The following ROBO1 variants were observed in gnomAD, a reference collection of about 807,000 sequenced individuals.
ROBO1 encodes roundabout guidance receptor 1.
ROBO1 carries 149 observed loss-of-function variants against 195.9 expected under a neutral mutation model. The observed-to-expected ratio is 0.76, with a 90% confidence interval of 0.67 to 0.87. ROBO1 has a LOEUF of 0.87. ROBO1 is among the 40% of genes least tolerant of loss of function. The probability of loss-of-function intolerance (pLI) is 0.00; values close to 1 mark genes in which losing one functional copy is unlikely to be tolerated. For missense variants in ROBO1, 1,933 were observed against 2,068.3 expected, an observed-to-expected ratio of 0.93 and a Z score of 1.27; for synonymous variants, 816 against 733.2, an observed-to-expected ratio of 1.11 and a Z score of -1.82.
chr3:79,626,560 GCTGGAAGCATTCC>G (rs1383804404), intron 1 of ROBO1, among the ~76,000 whole-genome samples: 1 of 152,176 alleles, frequency 6.6e-6, no homozygotes, highest in African/African-American at 2.4e-5. Context: ...ATGGGCAAAA[GCTGGAAGCATTCC>G]CTTTGAAAAT....
intron 3 of ROBO1, among the ~76,000 whole-genome samples, chr3:79,083,194 TCAAA>T (rs1285527420): frequency 3.9e-5 from 6 of 151,952 alleles, no homozygotes; most frequent in African/African-American, 1.2e-4. Flanking sequence ...AGACTCTGTC[TCAAA>T]CAAACAAACA....
chr3:79,160,856 C>T (rs1185129400), intron 2 of ROBO1, among the ~76,000 whole-genome samples: 1 of 151,918 alleles, frequency 6.6e-6, no homozygotes, highest in South Asian at 2.1e-4. Context: ...GGGGCTAAGC[C>T]TCACCCCCCC....
At chr3:79,419,156 T>TG (rs2038120978) in intron 2 of ROBO1, among the ~76,000 whole-genome samples, 1 of 152,156 alleles carries the variant, frequency 6.6e-6, no homozygotes, top group South Asian at 2.1e-4. Context: ...CTAAGAGCAA[T>TG]GGGAAAATGG....
chr3:79,595,163 AG>A (rs1379818637), intron 1 of ROBO1, among the ~76,000 whole-genome samples: 1 of 151,970 alleles, frequency 6.6e-6, no homozygotes, highest in Non-Finnish European at 1.5e-5. Flanking sequence ...TTTATTTTCA[AG>A]TAATATATTT....
At chr3:79,255,913 A>G (rs529155268) in intron 2 of ROBO1, among the ~76,000 whole-genome samples, 2 of 152,218 alleles carry the variant, frequency 1.3e-5, no homozygotes, top group Admixed American at 1.3e-4. Context: ...CTCAGCAAAG[A>G]GCTGTTCATG....
At chr3:79,491,740 G>A (rs565692512) in intron 2 of ROBO1, among the ~76,000 whole-genome samples, 2 of 151,330 alleles carry the variant, frequency 1.3e-5, no homozygotes, top group South Asian at 4.2e-4. Context: ...AAGACGGGAA[G>A]AATTCAATGG....
In ROBO1 at chr3:79,587,448, T is replaced by C. The variant is rs893754149; in HGVS notation, c.88+2376A>G. On this transcript the variant is annotated intron_variant, in intron 2 of 30. Transcript: ENST00000464233. ...GACACCTTGGCTGATGATAACTCAC[T>C]GAGTCAAGTACTACAGAATATAAAA... 6.6e-5 allele frequency among the ~76,000 whole-genome samples: 10 copies of C among 151,820 alleles called. 1 individual carries two copies. Among genetic ancestry groups the C allele is most frequent in the African/African-American group, 2.4e-4 (10 of 41,422 alleles).
chr3:78,808,523 T>C (rs2084623242), intron 4 of ROBO1, among the ~76,000 whole-genome samples: 1 of 152,152 alleles, frequency 6.6e-6, no homozygotes. Context: ...ATTTTAAATG[T>C]TATATCAAGT....
intron 4 of ROBO1, among the ~76,000 whole-genome samples, chr3:78,748,902 T>C (rs2108294598): frequency 6.6e-6 from 1 of 152,280 alleles, no homozygotes; most frequent in Admixed American, 6.5e-5. Context: ...CTGTTTAAAT[T>C]CTAACTTCAA....
chr3:78,943,688 T>A (rs1016138743), intron 3 of ROBO1, among the ~76,000 whole-genome samples: 3 of 152,190 alleles, frequency 2.0e-5, no homozygotes, highest in African/African-American at 7.2e-5. Flanking sequence ...TTTATTTTTA[T>A]TTTTTGCAGA....
At chr3:79,151,902 T>C (rs1453851057) in intron 2 of ROBO1, among the ~76,000 whole-genome samples, 2 of 151,880 alleles carry the variant, frequency 1.3e-5, no homozygotes, top group Admixed American at 6.6e-5. Context: ...AGTTCCTCCC[T>C]AACATTGATA....
At chr3:79,189,630 T>C (rs767731801) in intron 2 of ROBO1, among the ~76,000 whole-genome samples, 4 of 151,774 alleles carry the variant, frequency 2.6e-5, no homozygotes, top group South Asian at 2.1e-4. Context: ...GTACTTTTGG[T>C]GTAAAAATAT....
intron 1 of ROBO1, among the ~76,000 whole-genome samples, chr3:79,616,130 A>G (rs1944812371): frequency 6.6e-6 from 1 of 152,132 alleles, no homozygotes. Context: ...TGATTTGGGA[A>G]CTTCTGAAGA....
chr3:79,599,890 C>T (rs935602023), intron 1 of ROBO1, among the ~76,000 whole-genome samples: 1 of 151,560 alleles, frequency 6.6e-6, no homozygotes, highest in African/African-American at 2.4e-5. Flanking sequence ...ATAGTCTATC[C>T]AAATTTTTTT....
chr3:79,463,815 G>A (rs1937792184), intron 2 of ROBO1, among the ~76,000 whole-genome samples: 1 of 152,074 alleles, frequency 6.6e-6, no homozygotes. Context: ...TTCATCTAAA[G>A]TATACAACCC....
chr3:79,089,913 T>A (rs548778542), intron 3 of ROBO1, among the ~76,000 whole-genome samples: 1 of 151,276 alleles, frequency 6.6e-6, no homozygotes, highest in African/African-American at 2.4e-5. Flanking sequence ...AAATAAACAT[T>A]GATATATATC....
intron 2 of ROBO1, among the ~76,000 whole-genome samples, chr3:79,219,912 T>A (rs1021446750): frequency 6.6e-6 from 1 of 152,062 alleles, no homozygotes; most frequent in Non-Finnish European, 1.5e-5. Flanking sequence ...CACTTACTTA[T>A]GAGGTACAAA....
chr3:79,285,320 T>C (rs1283415318), intron 2 of ROBO1, among the ~76,000 whole-genome samples: 3 of 152,224 alleles, frequency 2.0e-5, no homozygotes, highest in Non-Finnish European at 4.4e-5. Flanking sequence ...ACCTCTGCAA[T>C]GTTTTCCTTA....
intron 2 of ROBO1, among the ~76,000 whole-genome samples, chr3:79,146,601 C>A (rs2080658264): frequency 1.3e-5 from 2 of 151,774 alleles, no homozygotes; most frequent in Admixed American, 1.3e-4. Flanking sequence ...GTGAAGTATG[C>A]AGATATCTGT....
Sources: allele counts gnomAD v4.1 joint callset (sites outside exome capture counted in the v4.1 genomes callset), GRCh38; gene constraint gnomAD v4.1.1; transcripts MANE v1.5; gene names NCBI Gene and HGNC (gene_info 2026-07-23, HGNC 2026-07-21).